ETV6: variants seen among roughly 807,000 people sequenced by gnomAD.
ETV6 encodes the protein ETS variant transcription factor 6, also known as transcription factor ETV6.
A neutral mutation model predicts 51.1 loss-of-function variants in ETV6; 16 were observed. That is an observed-to-expected ratio of 0.31 (90% CI 0.21 to 0.48). The LOEUF (loss-of-function observed/expected upper bound fraction) is 0.48. Among genes scored for constraint, ETV6 ranks in the 20% least tolerant of loss-of-function variants. The pLI is 0.99. For synonymous variants in ETV6, 240 were observed against 224.1 expected, an observed-to-expected ratio of 1.07 and a Z score of -0.64; for missense variants, 458 against 594.8, an observed-to-expected ratio of 0.77 and a Z score of 2.39.
intron 1 of ETV6, among the ~76,000 whole-genome samples, chr12:11,679,227 C>A (rs1416588714): frequency 1.3e-5 from 2 of 152,032 alleles, no homozygotes; most frequent in Non-Finnish European, 2.9e-5. Flanking sequence ...CTCAAAGGAT[C>A]ATTTTTTTTT....
At chr12:11,655,088 C>T (rs1863975699) in intron 1 of ETV6, among the ~76,000 whole-genome samples, 1 of 152,188 alleles carries the variant, frequency 6.6e-6, no homozygotes, top group South Asian at 2.1e-4. Flanking sequence ...GGTGGGGGCA[C>T]AGGGTTGCTG....
intron 1 of ETV6, among the ~76,000 whole-genome samples, chr12:11,737,639 A>C (rs1322207370): frequency 6.6e-6 from 1 of 152,204 alleles, no homozygotes; most frequent in African/African-American, 2.4e-5. Flanking sequence ...AATGCATATT[A>C]ATTTTTTAGG....
intron 1 of ETV6, among the ~76,000 whole-genome samples, chr12:11,682,063 A>G (rs1265370840): frequency 6.6e-6 from 1 of 152,218 alleles, no homozygotes. Context: ...AGAATGATTT[A>G]TTACCCTTTG....
intron 1 of ETV6, among the ~76,000 whole-genome samples, chr12:11,719,858 C>T (rs569004780): frequency 6.6e-6 from 1 of 152,362 alleles, no homozygotes; most frequent in South Asian, 2.1e-4. Context: ...CAGCCACTTC[C>T]CTCACTGAGA....
At chr12:11,717,833 C>T (rs1865305741) in intron 1 of ETV6, among the ~76,000 whole-genome samples, 1 of 152,168 alleles carries the variant, frequency 6.6e-6, no homozygotes, top group African/African-American at 2.4e-5. Flanking sequence ...CCCTCCCACT[C>T]AGCCTGATCA....
At chr12:11,841,704 C>T (rs866448369) in intron 3 of ETV6, among the ~76,000 whole-genome samples, 5 of 152,244 alleles carry the variant, frequency 3.3e-5, no homozygotes, top group Middle Eastern at 6.8e-3. Context: ...GCTGGCTTGT[C>T]GAACAAACCT....
At chr12:11,659,223 G>A (rs75807731) in intron 1 of ETV6, among the ~76,000 whole-genome samples, 18 of 151,934 alleles carry the variant, frequency 1.2e-4, no homozygotes, top group African/African-American at 4.4e-4. Flanking sequence ...TGAGGGGACC[G>A]AAGTGTCTCT....
At chr12:11,723,594 C>A (rs912642360) in intron 1 of ETV6, among the ~76,000 whole-genome samples, 10 of 152,134 alleles carry the variant, frequency 6.6e-5, no homozygotes, top group Non-Finnish European at 1.2e-4. Context: ...TGGTACCCGG[C>A]ACATAGTAGG....
chr12:11,761,588 G>A (rs1462586936), intron 2 of ETV6, among the ~76,000 whole-genome samples: 2 of 152,200 alleles, frequency 1.3e-5, no homozygotes, highest in South Asian at 2.1e-4. Flanking sequence ...AAGCCAACAC[G>A]CTTCAGAAAA....
At chr12:11,748,327 A>T (rs1338192911) in intron 1 of ETV6, among the ~76,000 whole-genome samples, 1 of 152,266 alleles carries the variant, frequency 6.6e-6, no homozygotes, top group Non-Finnish European at 1.5e-5. Context: ...AATTTCCAGG[A>T]AAAGTTTCTA....
At chr12:11,763,974 A>G (rs7310017) in intron 2 of ETV6, among the ~76,000 whole-genome samples, 81,570 of 152,128 alleles carry the variant, frequency 0.54, 23,541 homozygotes, top group Admixed American at 0.69. Flanking sequence ...CCCAGTTGCA[A>G]TGATTTAGAG....
Position 11,891,007 on chromosome 12 carries a change from G to A in ETV6, c.1320G>A (p.Gln440=), listed in dbSNP as rs12231057. The change falls in exon 8 of 8, where the codon CAG becomes CAA. Residue 440 remains glutamine, a synonymous_variant. Coordinates refer to ENST00000396373, the MANE Select transcript of ETV6 (RefSeq NM_001987.5). ...ACCGTCTGGAGCACCTAGAGTCCCA[G>A]GAGCTGGATGAACAAATATACCAAG... The part of the protein sequence containing the change: ...RTDRLEHLES[Q]ELDEQIYQED... The A allele has an allele frequency of 1.3e-5, 21 of 1,613,836 alleles. No homozygotes were observed. In the East Asian group the frequency reaches 4.7e-4, roughly 36 times the overall value.
chr12:11,800,059 A>G (rs1478401256), intron 2 of ETV6, among the ~76,000 whole-genome samples: 1 of 152,208 alleles, frequency 6.6e-6, no homozygotes, highest in Non-Finnish European at 1.5e-5. Flanking sequence ...TTGAGTTTCA[A>G]AAATCTAAAG....
chr12:11,881,861 G>A (rs577952948), intron 5 of ETV6, among the ~76,000 whole-genome samples: 9 of 152,334 alleles, frequency 5.9e-5, no homozygotes, highest in African/African-American at 2.2e-4. Context: ...TGTAAAACGA[G>A]CTAGATTATT....
At chr12:11,718,685 G>C (rs561225786) in intron 1 of ETV6, among the ~76,000 whole-genome samples, 242 of 152,022 alleles carry the variant, frequency 1.6e-3, no homozygotes, top group African/African-American at 5.5e-3. Context: ...GAGGTGGGAG[G>C]CTTGCTTTTA....
chr12:11,888,063 C>T (rs1007089915), intron 7 of ETV6, among the ~76,000 whole-genome samples: 1 of 152,170 alleles, frequency 6.6e-6, no homozygotes, highest in African/African-American at 2.4e-5. Context: ...AAAGGCTTCC[C>T]TGGCAGTGGA....
chr12:11,798,522 C>T (rs1371783459), intron 2 of ETV6, among the ~76,000 whole-genome samples: 1 of 152,094 alleles, frequency 6.6e-6, no homozygotes, highest in African/African-American at 2.4e-5. Flanking sequence ...GTAGCTCTTT[C>T]CTCTTCAGGA....
intron 1 of ETV6, among the ~76,000 whole-genome samples, chr12:11,709,404 A>G (rs1481292996): frequency 2.0e-5 from 3 of 151,606 alleles, no homozygotes; most frequent in South Asian, 2.1e-4. Context: ...AGGTCTCGCT[A>G]TGTTGTGCAG....
chr12:11,671,581 T>G (rs548484735), intron 1 of ETV6, among the ~76,000 whole-genome samples: 1 of 152,340 alleles, frequency 6.6e-6, no homozygotes, highest in Non-Finnish European at 1.5e-5. Context: ...TCATTACATG[T>G]ACCCTGAAAA....
Sources: gnomAD v4.1 joint callset for allele counts (sites outside exome capture counted in the v4.1 genomes callset) on GRCh38, gnomAD v4.1.1 for gene constraint, MANE v1.5 for transcripts, NCBI Gene and HGNC (gene_info 2026-07-23, HGNC 2026-07-21) for gene names.